Variants in FOXP1 observed in about 807,000 individuals in gnomAD.
The protein encoded by FOXP1 is forkhead box protein P1.
In FOXP1, 15 loss-of-function variants were observed where a neutral mutation model predicts 98.2. The observed-to-expected ratio is 0.15, with a 90% CI of 0.10 to 0.24. The LOEUF is 0.24. Among genes scored for constraint, FOXP1 ranks in the 10% least tolerant of loss-of-function variants. The pLI is 1.00. For synonymous variants in FOXP1, 371 were observed against 314.5 expected (o/e 1.18, Z -1.90); for missense variants, 633 against 848.5 (o/e 0.75, Z 3.15).
chr3:71,568,178 T>TA (rs2047062293), intron 2 of FOXP1, among the ~76,000 whole-genome samples: 1 of 152,104 alleles, frequency 6.6e-6, no homozygotes, highest in South Asian at 2.1e-4. Context: ...GCAGAAGGCC[T>TA]GCAGAGAATA....
chr3:71,486,594 A>T (rs1197774206), intron 3 of FOXP1, among the ~76,000 whole-genome samples: 1 of 152,216 alleles, frequency 6.6e-6, no homozygotes, highest in Non-Finnish European at 1.5e-5. Flanking sequence ...TGACCAAAAG[A>T]AATAATAATA....
At chr3:71,407,613 G>A (rs996157830) in intron 3 of FOXP1, among the ~76,000 whole-genome samples, 1 of 152,038 alleles carries the variant, frequency 6.6e-6, no homozygotes, top group East Asian at 1.9e-4. Flanking sequence ...TACTCCCTTC[G>A]GAAAGGCCAT....
chr3:71,559,707 C>T (rs2046395415), intron 2 of FOXP1, among the ~76,000 whole-genome samples: 1 of 152,190 alleles, frequency 6.6e-6, no homozygotes, highest in Admixed American at 6.5e-5. Flanking sequence ...ATTAGCTGGG[C>T]ATGGTGGCAC....
At chr3:71,225,342 T>C (rs1014500048) in intron 5 of FOXP1, among the ~76,000 whole-genome samples, 2 of 152,176 alleles carry the variant, frequency 1.3e-5, no homozygotes, top group African/African-American at 4.8e-5. Flanking sequence ...GTAGCTCAAT[T>C]CTCTGAACAA....
intron 3 of FOXP1, among the ~76,000 whole-genome samples, chr3:71,482,437 C>T (rs2090348240): frequency 7.1e-6 from 1 of 141,472 alleles, no homozygotes; most frequent in African/African-American, 2.7e-5. Context: ...GGTGAGGTCT[C>T]AGCTCACTGC....
chr3:71,501,480 A>G (rs1446079397), intron 2 of FOXP1, among the ~76,000 whole-genome samples: 1 of 151,886 alleles, frequency 6.6e-6, no homozygotes, highest in Admixed American at 6.6e-5. Flanking sequence ...TTTTTAGTAG[A>G]AAGAGGGTTT....
At chr3:71,248,932 G>C (rs1221226078) in intron 5 of FOXP1, among the ~76,000 whole-genome samples, 1 of 152,156 alleles carries the variant, frequency 6.6e-6, no homozygotes, top group African/African-American at 2.4e-5. Context: ...TCACAAAAAA[G>C]CCAGTGGGAA....
At chr3:71,115,258 C>T (rs1242118877) in intron 6 of FOXP1, among the ~76,000 whole-genome samples, 1 of 151,868 alleles carries the variant, frequency 6.6e-6, no homozygotes, top group East Asian at 1.9e-4. Context: ...CTCTATATAA[C>T]TTACCACATT....
At chr3:71,248,463 C>T (rs1243844363) in intron 5 of FOXP1, among the ~76,000 whole-genome samples, 1 of 152,138 alleles carries the variant, frequency 6.6e-6, no homozygotes, top group East Asian at 1.9e-4. Flanking sequence ...TCCAGCATGG[C>T]CAGGCACGGT....
chr3:71,478,682 C>A (rs1296085965), intron 3 of FOXP1, among the ~76,000 whole-genome samples: 4 of 152,238 alleles, frequency 2.6e-5, no homozygotes, highest in South Asian at 2.1e-4. Context: ...AACCTTCCAA[C>A]TGCAAGTTAC....
chr3:71,019,448 G>A (rs1210452326), intron 11 of FOXP1, among the ~76,000 whole-genome samples: 1 of 152,174 alleles, frequency 6.6e-6, no homozygotes. Flanking sequence ...TGTTTAATAA[G>A]GTGTATTTTA....
At chr3:71,249,613 A>T (rs1436427519) in intron 5 of FOXP1, among the ~76,000 whole-genome samples, 1 of 152,186 alleles carries the variant, frequency 6.6e-6, no homozygotes, top group South Asian at 2.1e-4. Flanking sequence ...CCATATTGGC[A>T]TCCAACTGCT....
At chr3:71,299,257 T>C (rs1248342581) in intron 5 of FOXP1, among the ~76,000 whole-genome samples, 1 of 152,232 alleles carries the variant, frequency 6.6e-6, no homozygotes, top group Admixed American at 6.5e-5. Flanking sequence ...AAGTACTCAT[T>C]TGATTTTCAA....
At chr3:71,541,239 A>C (rs1021197435) in intron 2 of FOXP1, among the ~76,000 whole-genome samples, 6 of 152,230 alleles carry the variant, frequency 3.9e-5, no homozygotes, top group Admixed American at 6.5e-5. Context: ...GGTCAATTAT[A>C]ATTCTCAGTC....
chr3:71,440,372 C>T (rs1055542146), intron 3 of FOXP1, among the ~76,000 whole-genome samples: 10 of 151,656 alleles, frequency 6.6e-5, no homozygotes, highest in African/African-American at 2.4e-4. Flanking sequence ...TTGAGACCAG[C>T]CTGGGTAACA....
intron 14 of FOXP1, among the ~76,000 whole-genome samples, chr3:70,982,834 A>T (rs1443518774): frequency 1.3e-5 from 2 of 152,230 alleles, no homozygotes; most frequent in African/African-American, 4.8e-5. Context: ...AAGTATTCCC[A>T]TAAGAACTCA....
chr3:71,200,089 A>AAG (rs1181403422), intron 5 of FOXP1, among the ~76,000 whole-genome samples: 1 of 150,844 alleles, frequency 6.6e-6, no homozygotes, highest in Non-Finnish European at 1.5e-5. Flanking sequence ...CTCACAAAAA[A>AAG]AAAAAAAAAA....
At chr3:70,974,288 AAAT>A (rs1262697821) in intron 17 of FOXP1, among the ~76,000 whole-genome samples, 2 of 151,764 alleles carry the variant, frequency 1.3e-5, no homozygotes, top group African/African-American at 4.9e-5. Flanking sequence ...AGTCTAGTCT[AAAT>A]AAGCAGTTTT....
chr3:71,433,034 T>TA (rs149941095), intron 3 of FOXP1, among the ~76,000 whole-genome samples: 2,793 of 149,180 alleles, frequency 0.019, 80 homozygotes, highest in African/African-American at 0.064. Flanking sequence ...CTTTTGGTGT[T>TA]AAAAAAAAAA....
Sources: allele counts gnomAD v4.1 joint callset (sites outside exome capture counted in the v4.1 genomes callset), GRCh38; gene constraint gnomAD v4.1.1; transcripts MANE v1.5; gene names NCBI Gene and HGNC (gene_info 2026-07-23, HGNC 2026-07-21).